CNTNAP1: variants seen among roughly 807,000 people sequenced by gnomAD.
The protein encoded by CNTNAP1 is contactin-associated protein 1.
Under a neutral mutation model 161.5 loss-of-function variants are expected in CNTNAP1, and 80 were observed. The ratio of observed to expected loss-of-function variants is 0.50; its 90% CI spans 0.41 to 0.60. The LOEUF (loss-of-function observed/expected upper bound fraction) is 0.60. Among genes scored for constraint, CNTNAP1 ranks in the 20% least tolerant of loss-of-function variants. CNTNAP1 has a pLI of 0.00. For synonymous variants in CNTNAP1, 695 were observed against 733.1 expected (o/e 0.95, Z 0.84); for missense variants, 1,464 against 1,854.8 (o/e 0.79, Z 3.87).
Position 42,684,371 on chromosome 17 carries a change from C to T in CNTNAP1, c.363+142C>T, listed in dbSNP as rs72826962. ...AGTGACTCCACTCCAGGGACTCTGTCCAGAGGGACTGTCAGCTTAGGACGT... is the reference window on the plus strand; with the variant it reads ...AGTGACTCCACTCCAGGGACTCTGTTCAGAGGGACTGTCAGCTTAGGACGT... On this transcript the variant is annotated intron_variant, in intron 3 of 23. Coordinates refer to ENST00000264638, the MANE Select transcript of CNTNAP1 (RefSeq NM_003632.3). 7,286 of 759,598 alleles carry T rather than the reference C, an allele frequency of 9.6e-3. 46 individuals are homozygous for T. Among genetic ancestry groups the T allele is most frequent in the Non-Finnish European group, 0.012 (5,697 of 464,284 alleles). The allele number at this position is 759,598 out of a possible 1,614,324, so 47.1% of individuals were successfully genotyped here. A position where few individuals can be genotyped will look rare whatever the true frequency, so the allele number is the denominator to read the frequency against.
At chr17:42,690,002 A>C in intron 11 of CNTNAP1, 86 bp from the exon 12 acceptor site, 1 of 1,510,382 alleles carries the variant, frequency 6.6e-7, no homozygotes, top group Non-Finnish European at 9.1e-7. Context: ...GGCCTCCCAA[A>C]GTGCTGGGAT....
chr17:42,692,096 G>T, intron 16 of CNTNAP1, 105 bp downstream of exon 16: 1 of 1,216,102 alleles, frequency 8.2e-7, no homozygotes, highest in Non-Finnish European at 1.2e-6. Flanking sequence ...CTTTTGACAG[G>T]CAGCATGGGA....
At chr17:42,693,611 A>G (rs1270699179) in intron 18 of CNTNAP1, 75 bp downstream of exon 18, 1 of 1,562,612 alleles carries the variant, frequency 6.4e-7, no homozygotes, top group Non-Finnish European at 8.7e-7. Context: ...GGAAGGAAAT[A>G]GCATGTAAAG....
In CNTNAP1 at chr17:42,686,922, T is replaced by G; in HGVS notation, c.920T>G (p.Val307Gly). ...CCGCAGATGTTCATCGGAGGTCTGG[T>G]GGGCGCCGCGCGGAAGAACCTGGCC... ...LDTEMFIGGL[V>G]GAARKNLAYR... The change falls in exon 7 of 24, where the codon GTG becomes GGG. Residue 307 changes from valine to glycine, a missense_variant. Physicochemically the swap from Val to Gly is moderately radical, Grantham distance 109. Around this residue, in one of 3 missense-constraint regions of CNTNAP1, gnomAD observed 1,383 missense variants for 1,765.0 expected, o/e 0.78. Transcript: ENST00000264638. 1 of 1,610,066 alleles carries G rather than the reference T, an allele frequency of 6.2e-7. No homozygotes were observed. The highest frequency in any genetic ancestry group is 8.5e-7 in the Non-Finnish European group (1 of 1,177,054).
intron 20 of CNTNAP1, among the ~76,000 whole-genome samples, chr17:42,696,684 C>T (rs1050082238): frequency 6.6e-6 from 1 of 151,892 alleles, no homozygotes; most frequent in Non-Finnish European, 1.5e-5. Context: ...GAAAGTAAAG[C>T]GGTTTCAGCT....
chr17:42,693,489 C>T lies in CNTNAP1; in HGVS notation c.2945C>T (p.Thr982Met), dbSNP rs757116427. Residue 982 changes from threonine to methionine, a missense_variant, in exon 18 of 24, where the codon ACG becomes ATG. Coordinates refer to ENST00000264638, the MANE Select transcript of CNTNAP1 (RefSeq NM_003632.3). ...GRCVERYSYY[T>M]CDCDLTAFDG... Reference sequence around the variant, plus strand: ...TGCGTGGAGCGCTATAGCTACTACACGTGTGACTGTGACCTCACGGCTTTT... The same window carrying T: ...TGCGTGGAGCGCTATAGCTACTACATGTGTGACTGTGACCTCACGGCTTTT... The T allele has an allele frequency of 6.2e-6, 10 of 1,614,204 alleles. No individual in the cohort carries two copies. Among genetic ancestry groups the T allele is most frequent in the Non-Finnish European group, 8.5e-6 (10 of 1,180,036 alleles).
chr17:42,687,357 T>G lies in CNTNAP1; in HGVS notation c.1044+311T>G. On this transcript the variant is annotated intron_variant, in intron 7 of 23. Transcript: ENST00000264638. This position sits in a 1 kb window ranked among gnomAD's most constrained non-coding sequence, Gnocchi z 4.7. ...GTGGCTGAGTAGGGACTTGAACCGA[T>G]GGCTTCTCTGATATGCCCCCCTCAA... The G allele has an allele frequency of 8.1e-6, 4 of 494,268 alleles. No individual in the cohort carries two copies. In the Admixed American group the frequency reaches 1.1e-4, roughly 13 times the overall value. 30.6% of individuals were successfully genotyped at this position (494,268 alleles called of 1,614,324 possible).
At chr17:42,693,154 T>A in intron 17 of CNTNAP1, 143 bp from the exon 18 acceptor site, 2 of 975,536 alleles carry the variant, frequency 2.1e-6, no homozygotes, top group South Asian at 3.2e-5. Flanking sequence ...AGAGACGGGG[T>A]TTCATCATGT....
chr17:42,691,644 C>T lies in CNTNAP1; in HGVS notation c.2344+133C>T. The T allele has an allele frequency of 7.3e-7, 1 of 1,376,206 alleles. No homozygotes were observed. Among genetic ancestry groups the T allele is most frequent in the Non-Finnish European group, 1.0e-6 (1 of 991,864 alleles). 85.2% of individuals were successfully genotyped at this position (1,376,206 alleles called of 1,614,324 possible). A position where few individuals can be genotyped will look rare whatever the true frequency, so the allele number is the denominator to read the frequency against. ...CTCCTGCTGTGATGCGATCTCATTA[C>T]CCCTCTGCACCTGGCTCCTCTTTCA... On this transcript the variant is annotated intron_variant, in intron 15 of 23. Coordinates refer to ENST00000264638, the MANE Select transcript of CNTNAP1 (RefSeq NM_003632.3). This position sits in a 1 kb window ranked among gnomAD's most constrained non-coding sequence, Gnocchi z 4.3.
intron 9 of CNTNAP1, 130 bp from the exon 10 acceptor site, chr17:42,688,746 G>A: frequency 6.7e-7 from 1 of 1,503,276 alleles, no homozygotes; most frequent in South Asian, 1.2e-5. Flanking sequence ...GGGAGTGGAA[G>A]GTCATTGCCA....
At position 42,686,850 on chromosome 17, in the gene CNTNAP1, A is replaced by C. The variant is rs1045442156; in HGVS notation, c.901-53A>C. 403 of 1,537,322 alleles carry C rather than the reference A, an allele frequency of 2.6e-4. 1 individual carries two copies. Among genetic ancestry groups the C allele is most frequent in the Non-Finnish European group, 3.1e-5 (35 of 1,137,146 alleles). ...AAGCATACGGCGGGGACGCGCGAGA[A>C]AGGCAGGCGCCCTCCTGTGCCCAAG... On this transcript the variant is annotated intron_variant, in intron 6 of 23. Coordinates refer to ENST00000264638, the MANE Select transcript of CNTNAP1 (RefSeq NM_003632.3).
rs757050594 is a variant in CNTNAP1 at position 42,685,114 on chromosome 17, C to G, written c.487C>G (p.Leu163Val). The change falls in exon 4 of 24, where the codon CTC becomes GTC. Residue 163 changes from leucine to valine, a missense_variant. Transcript: ENST00000264638. The surrounding 1 kb of genome is among the most constrained non-coding windows in gnomAD (Gnocchi z 5.0). ...CCCACGCGGCAAGATCGGCCTGAGG[C>G]TCGGCCTCTATGGCTGCCCATACAG... ...WNPRGKIGLR[L>V]GLYGCPYKAD... 6.3e-7 allele frequency: 1 copy of G among 1,583,862 alleles called. No individual in the cohort carries two copies. Among genetic ancestry groups the G allele is most frequent in the South Asian group, 1.2e-5 (1 of 86,260 alleles).
chr17:42,688,061 C>G, intron 8 of CNTNAP1, 80 bp downstream of exon 8: 3 of 1,531,144 alleles, frequency 2.0e-6, no homozygotes, highest in South Asian at 2.6e-5. Flanking sequence ...TGGACTGAGG[C>G]CTTTACATTC....
At chr17:42,683,586 T>C in intron 1 of CNTNAP1, 1 of 1,390,342 alleles carries the variant, frequency 7.2e-7, no homozygotes. Flanking sequence ...GGGTCTGGCC[T>C]TGGGCCTATA....
chr17:42,692,767 A>G, intron 17 of CNTNAP1, 47 bp downstream of exon 17: 1 of 1,527,406 alleles, frequency 6.5e-7, no homozygotes, highest in African/African-American at 1.4e-5. Flanking sequence ...TTACCTCCCC[A>G]TCCTCCAAGG....
Position 42,682,886 on chromosome 17 carries a change from C to T in CNTNAP1, c.57C>T (p.Gly19=), listed in dbSNP as rs2052954734. The stretch of plus-strand genomic sequence containing the variant: ...TCGCCGCGGTCTCAGGAGCCGAGGG[C>T]TGGGGCTACTGTGAGTGTTGGGCTT... ...ILLAAVSGAE[G]WGYYGCDEEL... The change falls in exon 1 of 24, where the codon GGC becomes GGT. Residue 19 remains glycine (G), a synonymous_variant. Coordinates refer to ENST00000264638, the MANE Select transcript of CNTNAP1 (RefSeq NM_003632.3). The T allele has an allele frequency of 6.2e-7, 1 of 1,600,744 alleles. No individual in the cohort carries two copies. The highest frequency in any genetic ancestry group is 8.5e-7 in the Non-Finnish European group (1 of 1,174,776).
intron 18 of CNTNAP1, among the ~76,000 whole-genome samples, chr17:42,694,334 G>A (rs2053128124): frequency 6.6e-6 from 1 of 151,712 alleles, no homozygotes. Flanking sequence ...ACCACACCCG[G>A]CTAATTTTTG....
rs374434783 is a variant in CNTNAP1 at position 42,690,523 on chromosome 17, CA to C, written c.1856-197del. On this transcript the variant is annotated intron_variant, in intron 12 of 23. Transcript: ENST00000264638. ...TGGGCAACAGAGCGAGACTTCATCT[CA>C]AAAAAAAAAAAAAAAAAAGTATATC... Among the ~76,000 whole-genome samples the C allele has an allele frequency of 6.4e-3, 681 of 106,756 alleles. 5 individuals carry two copies. The highest frequency in any genetic ancestry group is 0.019 in the African/African-American group (527 of 27,242). 70.0% of individuals were successfully genotyped at this position (106,756 alleles called of 152,430 possible). A position where few individuals can be genotyped will look rare whatever the true frequency, so the allele number is the denominator to read the frequency against.
Position 42,687,097 on chromosome 17 carries a change from A to G in CNTNAP1, c.1044+51A>G. ...GACAGGATATCAAAGCGTCGTGGAA[A>G]GCAAAGAGGTGGAGCGGGAAGAGAT... On this transcript the variant is annotated intron_variant, in intron 7 of 23. Coordinates refer to ENST00000264638, the MANE Select transcript of CNTNAP1 (RefSeq NM_003632.3). The surrounding 1 kb of genome is among the most constrained non-coding windows in gnomAD (Gnocchi z 4.7). The G allele has an allele frequency of 6.3e-7, 1 of 1,586,246 alleles. No individual in the cohort carries two copies. Among genetic ancestry groups the G allele is most frequent in the Non-Finnish European group, 8.6e-7 (1 of 1,159,814 alleles).
Sources: allele counts gnomAD v4.1 joint callset (sites outside exome capture counted in the v4.1 genomes callset), GRCh38; gene constraint gnomAD v4.1.1; regional missense constraint gnomAD v4.1.1; non-coding constraint Gnocchi (gnomAD v3.1); transcripts MANE v1.5; gene names NCBI Gene and HGNC (gene_info 2026-07-23, HGNC 2026-07-21).